CATSPERE: variants seen among roughly 807,000 people sequenced by gnomAD.
The protein encoded by CATSPERE is cation channel sperm-associated auxiliary subunit epsilon.
CATSPERE carries 93 observed loss-of-function variants against 114.1 expected under a neutral mutation model. That is an observed-to-expected ratio of 0.81 (90% CI 0.69 to 0.97). The LOEUF is 0.97. Ranked by LOEUF, CATSPERE falls within the 50% of genes least tolerant of loss-of-function variation. The pLI is 0.00. For synonymous variants in CATSPERE, 341 were observed against 384.1 expected (o/e 0.89, Z 1.31); for missense variants, 1,058 against 1,131.6 (o/e 0.93, Z 0.93).
intron 8 of CATSPERE, among the ~76,000 whole-genome samples, chr1:244,535,871 G>T (rs754388208): frequency 2.0e-5 from 3 of 152,030 alleles, no homozygotes; most frequent in Non-Finnish European, 4.4e-5. Flanking sequence ...AGCTGGGAAT[G>T]TGCTGGGTCA....
Position 244,584,088 on chromosome 1 carries a change from C to T in CATSPERE, c.2085+149C>T, listed in dbSNP as rs1666665383. The T allele has an allele frequency of 3.8e-5, 20 of 525,652 alleles. 1 individual carries two copies. In the South Asian group the frequency reaches 5.7e-4, roughly 15 times the overall value. 32.6% of individuals were successfully genotyped at this position (525,652 alleles called of 1,614,324 possible). A position where few individuals can be genotyped will look rare whatever the true frequency, so the allele number is the denominator to read the frequency against. ...AGAGTACCATCCTCCTATTACTTAGCAAGTTCCATATTTATTCTGCACTTA... is the reference window on the plus strand; with the variant it reads ...AGAGTACCATCCTCCTATTACTTAGTAAGTTCCATATTTATTCTGCACTTA... On this transcript the variant is annotated intron_variant, in intron 13 of 21. Transcript: ENST00000366534.
intron 10 of CATSPERE, among the ~76,000 whole-genome samples, chr1:244,567,524 C>T (rs1169564829): frequency 6.6e-6 from 1 of 152,016 alleles, no homozygotes; most frequent in Non-Finnish European, 1.5e-5. Flanking sequence ...TTCCATATTT[C>T]TTGAAGGATT....
At chr1:244,591,222 T>A (rs185597168) in intron 14 of CATSPERE, among the ~76,000 whole-genome samples, 52 of 152,366 alleles carry the variant, frequency 3.4e-4, no homozygotes, top group African/African-American at 1.2e-3. Flanking sequence ...ATCTAGCTAG[T>A]TAACATATGT....
chr1:244,528,785 C>CCACACACGCG (rs749801424), intron 8 of CATSPERE, among the ~76,000 whole-genome samples: 25 of 130,582 alleles, frequency 1.9e-4, no homozygotes, highest in African/African-American at 6.8e-4. Flanking sequence ...CAATCCCCCA[C>CCACACACGCG]CACACACACA....
At position 244,573,862 on chromosome 1, in the gene CATSPERE, A is replaced by G. The variant is rs921223705; in HGVS notation, c.1950+1090A>G. On this transcript the variant is annotated intron_variant, in intron 11 of 21. Transcript: ENST00000366534. The surrounding 1 kb of genome is among the most constrained non-coding windows in gnomAD (Gnocchi z 4.0). ...TGCAAACAATGTCATAATAGGTGTT[A>G]TAAGTAAAATGTTTACTTAGAAACA... Among the ~76,000 whole-genome samples the G allele has an allele frequency of 4.6e-5, 7 of 152,254 alleles. No individual in the cohort carries two copies. Among genetic ancestry groups the G allele is most frequent in the Admixed American group, 1.3e-4 (2 of 15,290 alleles).
intron 7 of CATSPERE, among the ~76,000 whole-genome samples, chr1:244,507,089 C>CT (rs927914853): frequency 1.6e-4 from 25 of 151,572 alleles, no homozygotes; most frequent in African/African-American, 3.9e-4. Flanking sequence ...GGTTTTCATT[C>CT]TTTTTTTTTA....
At chr1:244,566,501 G>C (rs574528711) in intron 10 of CATSPERE, among the ~76,000 whole-genome samples, 1 of 151,868 alleles carries the variant, frequency 6.6e-6, no homozygotes, top group East Asian at 1.9e-4. Context: ...TATGAATCTG[G>C]GTGCTCCTTT....
intron 8 of CATSPERE, among the ~76,000 whole-genome samples, chr1:244,533,577 A>G (rs1168566479): frequency 6.6e-6 from 1 of 152,114 alleles, no homozygotes; most frequent in Non-Finnish European, 1.5e-5. Context: ...ATTATAGCCC[A>G]TTATTTTAAA....
chr1:244,461,504 C>T lies in CATSPERE; in HGVS notation c.65+10C>T. On this transcript the variant is annotated intron_variant, in intron 1 of 21. Coordinates refer to ENST00000366534, the MANE Select transcript of CATSPERE (RefSeq NM_001130957.2). The stretch of plus-strand genomic sequence containing the variant: ...GCTCCGCCCTTTGGAGGTAGAGAGA[C>T]GCCAGTCGCAGGCGAGCGACTAGGC... 2 of 1,307,040 alleles carry T rather than the reference C, an allele frequency of 1.5e-6. No homozygotes were observed. Among genetic ancestry groups the T allele is most frequent in the Non-Finnish European group, 2.0e-6 (2 of 1,018,752 alleles). The allele number at this position is 1,307,040 out of a possible 1,614,324, so 81.0% of individuals were successfully genotyped here.
chr1:244,482,461 G>A (rs912445399), intron 5 of CATSPERE, among the ~76,000 whole-genome samples: 1 of 152,008 alleles, frequency 6.6e-6, no homozygotes, highest in Non-Finnish European at 1.5e-5. Context: ...AAGTTGTCAG[G>A]CATGATGACT....
chr1:244,451,706 A>G, upstream of CATSPERE: 1 of 1,611,952 alleles, frequency 6.2e-7, no homozygotes. The surrounding 1 kb of genome is among the most constrained non-coding windows in gnomAD (Gnocchi z 6.6). Flanking sequence ...TCGTCGCCCC[A>G]CTGCGCACCG....
At chr1:244,503,932 C>G (rs1306209419) in intron 7 of CATSPERE, among the ~76,000 whole-genome samples, 1 of 152,178 alleles carries the variant, frequency 6.6e-6, no homozygotes, top group Non-Finnish European at 1.5e-5. Flanking sequence ...TATTTTCAGA[C>G]ATTTTATTTG....
intron 6 of CATSPERE, 151 bp downstream of exon 6, chr1:244,490,622 G>T (rs1215219164): frequency 1.8e-5 from 9 of 503,900 alleles, no homozygotes; most frequent in Non-Finnish European, 3.2e-5. Flanking sequence ...ACCCATTCAG[G>T]AGGTCCATGA....
intron 11 of CATSPERE, among the ~76,000 whole-genome samples, chr1:244,574,297 A>T (rs907320399): frequency 1.3e-5 from 2 of 152,232 alleles, no homozygotes; most frequent in Non-Finnish European, 2.9e-5. Flanking sequence ...CGGTTAAAGT[A>T]CAAGGACACA....
chr1:244,625,436 T>A (rs867897666), intron 20 of CATSPERE, among the ~76,000 whole-genome samples: 1 of 32,396 alleles, frequency 3.1e-5, no homozygotes, highest in African/African-American at 1.5e-4. Flanking sequence ...ATATATATTT[T>A]TTTTTTTTTT....
intron 2 of CATSPERE, among the ~76,000 whole-genome samples, chr1:244,475,814 C>T (rs1418089878): frequency 3.3e-5 from 5 of 151,730 alleles, no homozygotes; most frequent in South Asian, 4.2e-4. Flanking sequence ...GAATTACAGG[C>T]GTGAGCCACC....
At chr1:244,616,080 G>A (rs1404196235) in intron 19 of CATSPERE, among the ~76,000 whole-genome samples, 2 of 152,034 alleles carry the variant, frequency 1.3e-5, no homozygotes, top group Non-Finnish European at 2.9e-5. Flanking sequence ...AGTGAGCTGT[G>A]ATCATGCCAC....
chr1:244,552,195 ATTAT>A (rs1160704309), intron 8 of CATSPERE, 123 bp from the exon 9 acceptor site: 18 of 1,174,874 alleles, frequency 1.5e-5, no homozygotes, highest in Non-Finnish European at 1.9e-5. Context: ...GCATTTTAAT[ATTAT>A]TTGTCTTATC....
upstream of CATSPERE, among the ~76,000 whole-genome samples, chr1:244,453,319 A>G (rs1665798031): frequency 6.6e-6 from 1 of 152,234 alleles, no homozygotes; most frequent in Admixed American, 6.5e-5. Context: ...AGCACACCTT[A>G]CTAGTCATTT....
Sources: allele counts gnomAD v4.1 joint callset (sites outside exome capture counted in the v4.1 genomes callset), GRCh38; gene constraint gnomAD v4.1.1; non-coding constraint Gnocchi (gnomAD v3.1); transcripts MANE v1.5; gene names NCBI Gene and HGNC (gene_info 2026-07-23, HGNC 2026-07-21).